The following AMBRA1 variants were observed in gnomAD, a reference collection of about 807,000 sequenced individuals.
AMBRA1 encodes activating molecule in BECN1-regulated autophagy protein 1.
In AMBRA1, 47 loss-of-function variants were observed where a neutral mutation model predicts 125.4. The ratio of observed to expected loss-of-function variants is 0.37; its 90% CI spans 0.30 to 0.48. The LOEUF is 0.48. Among genes scored for constraint, AMBRA1 ranks in the 20% least tolerant of loss-of-function variants. The probability of loss-of-function intolerance (pLI) is 0.99; values close to 1 mark genes in which losing one functional copy is unlikely to be tolerated. For missense variants in AMBRA1, 1,331 were observed against 1,693.4 expected (o/e 0.79, Z 3.76); for synonymous variants, 626 against 655.5 (o/e 0.95, Z 0.69).
At chr11:46,426,434 A>AG (rs1333887136) in intron 14 of AMBRA1, among the ~76,000 whole-genome samples, 1 of 152,218 alleles carries the variant, frequency 6.6e-6, no homozygotes, top group Non-Finnish European at 1.5e-5. Flanking sequence ...GACCAATGAC[A>AG]GGGGCTCAAT....
chr11:46,402,824 T>C (rs1945830019), intron 17 of AMBRA1, among the ~76,000 whole-genome samples: 1 of 152,212 alleles, frequency 6.6e-6, no homozygotes, highest in Non-Finnish European at 1.5e-5. Flanking sequence ...GATTTTAAAA[T>C]GTACAAACAA....
intron 1 of AMBRA1, among the ~76,000 whole-genome samples, chr11:46,563,241 CTT>C (rs200094704): frequency 6.6e-6 from 1 of 151,872 alleles, no homozygotes; most frequent in Non-Finnish European, 1.5e-5. Context: ...GACCTCATCT[CTT>C]TTTTTTGTTT....
At chr11:46,592,904 AT>A (rs2044657946) in intron 1 of AMBRA1, among the ~76,000 whole-genome samples, 1 of 152,244 alleles carries the variant, frequency 6.6e-6, no homozygotes, top group Non-Finnish European at 1.5e-5. Flanking sequence ...CACCATAGTT[AT>A]AAGATTTCCA....
intron 12 of AMBRA1, among the ~76,000 whole-genome samples, chr11:46,435,929 T>C (rs562030826): frequency 1.3e-4 from 20 of 152,346 alleles, no homozygotes; most frequent in African/African-American, 4.6e-4. Context: ...TGTGATTCCC[T>C]GCCAGGAAGA....
intron 8 of AMBRA1, among the ~76,000 whole-genome samples, chr11:46,509,781 G>A (rs992563021): frequency 4.6e-5 from 7 of 152,154 alleles, no homozygotes; most frequent in Non-Finnish European, 7.3e-5. Context: ...CAATCCTAAT[G>A]AGGATTCCTG....
At chr11:46,465,918 A>G (rs1949303875) in intron 11 of AMBRA1, among the ~76,000 whole-genome samples, 1 of 152,252 alleles carries the variant, frequency 6.6e-6, no homozygotes, top group Non-Finnish European at 1.5e-5. Context: ...AGCAGCAAAC[A>G]GATAAAGCCT....
intron 11 of AMBRA1, among the ~76,000 whole-genome samples, chr11:46,462,219 C>A (rs530184703): frequency 3.9e-5 from 6 of 152,174 alleles, no homozygotes; most frequent in Admixed American, 3.3e-4. Flanking sequence ...CAAGTGAGCA[C>A]GGCGGTGTAA....
At chr11:46,433,348 T>C (rs1016076222) in intron 14 of AMBRA1, 126 bp downstream of exon 14, 13 of 1,213,960 alleles carry the variant, frequency 1.1e-5, no homozygotes, top group Admixed American at 2.9e-5. Context: ...ACTACAGCCC[T>C]TCCTTACTCC....
Position 46,547,197 on chromosome 11 carries a change from T to C in AMBRA1, c.294A>G (p.Pro98=), listed in dbSNP as rs781173410. Residue 98 remains proline, a synonymous_variant, in exon 4 of 18, where the codon CCA becomes CCG. Coordinates refer to ENST00000683756, the MANE Select transcript of AMBRA1 (RefSeq NM_001387011.1). The part of the protein sequence containing the change: ...VHSLIGHRRT[P]WCVTFHPTIS... ...TGGTGGGATGAAAAGTGACACACCA[T>C]GGAGTACGGCGGTGTCCAATCAGGG... 2.5e-6 allele frequency: 4 copies of C among 1,614,034 alleles called. No homozygotes were observed. The Admixed American group carries it at 5.0e-5, about 20-fold the overall frequency.
Position 46,460,471 on chromosome 11 carries a change from G to A in AMBRA1, c.2522-16873C>T, listed in dbSNP as rs369675096. Among the ~76,000 whole-genome samples, 329 of 152,078 alleles carry A rather than the reference G, an allele frequency of 2.2e-3. 3 individuals carry two copies. The highest frequency in any genetic ancestry group is 2.5e-3 in the Non-Finnish European group (171 of 67,976). ...CAAGTAGCTGGGACTACAGGTGCCC[G>A]CCACCATGCCCGGCTAATTTTTTTT... On this transcript the variant is annotated intron_variant, in intron 11 of 17. Transcript: ENST00000683756.
intron 4 of AMBRA1, chr11:46,546,181 G>GC (rs1555003591): frequency 1.3e-5 from 2 of 155,118 alleles, no homozygotes; most frequent in Non-Finnish European, 2.8e-5. Context: ...GACCACAGGC[G>GC]CATGGCACCA....
chr11:46,572,877 A>G (rs555544108), intron 1 of AMBRA1, among the ~76,000 whole-genome samples: 3 of 151,660 alleles, frequency 2.0e-5, no homozygotes, highest in Non-Finnish European at 4.4e-5. Context: ...ATCACCTGAG[A>G]TCAGGAGTTC....
At chr11:46,424,821 G>C (rs1025563297) in intron 14 of AMBRA1, among the ~76,000 whole-genome samples, 2 of 151,920 alleles carry the variant, frequency 1.3e-5, no homozygotes, top group African/African-American at 4.8e-5. Flanking sequence ...CCGTGGGTGA[G>C]ATCCTGTGTC....
Position 46,400,473 on chromosome 11 carries a change from G to GTTTTTTTTTTTTT in AMBRA1, c.3404-2543_3404-2531dup, listed in dbSNP as rs553040136. Among the ~76,000 whole-genome samples, 56 of 48,888 alleles carry GTTTTTTTTTTTTT rather than the reference G, an allele frequency of 1.1e-3. 14 individuals carry two copies. The highest frequency in any genetic ancestry group is 1.9e-3 in the African/African-American group (29 of 15,486). 32.1% of individuals were successfully genotyped at this position (48,888 alleles called of 152,430 possible). A position where few individuals can be genotyped will look rare whatever the true frequency, so the allele number is the denominator to read the frequency against. The stretch of plus-strand genomic sequence containing the variant: ...CCTCATGCTTCTAGTTCTTTCTATA[G>GTTTTTTTTTTTTT]TTTTTTTTTTTTTTTTTTTTTTTTT... On this transcript the variant is annotated intron_variant, in intron 17 of 17. Transcript: ENST00000683756.
At chr11:46,495,290 T>A (rs1283942314) in intron 9 of AMBRA1, 1 of 152,246 alleles carries the variant, frequency 6.6e-6, no homozygotes, top group Non-Finnish European at 1.5e-5. Context: ...TATCTTCAAA[T>A]CAATGAGATA....
At chr11:46,484,056 T>A (rs1240719412) in intron 11 of AMBRA1, among the ~76,000 whole-genome samples, 2 of 152,196 alleles carry the variant, frequency 1.3e-5, no homozygotes, top group Non-Finnish European at 2.9e-5. Context: ...CAGTCTCTCA[T>A]GTTATAGGGC....
chr11:46,546,284 C>T (rs1013212669), intron 4 of AMBRA1, among the ~76,000 whole-genome samples: 1 of 152,162 alleles, frequency 6.6e-6, no homozygotes, highest in African/African-American at 2.4e-5. Context: ...AAGCAATCCT[C>T]CTGTCTTGGT....
chr11:46,551,311 C>CTTTT (rs57084695), intron 1 of AMBRA1, among the ~76,000 whole-genome samples: 31,846 of 151,528 alleles, frequency 0.21, 3,984 homozygotes, highest in African/African-American at 0.35. Flanking sequence ...TTTGTGGGGA[C>CTTTT]TTTATTTTTA....
chr11:46,515,581 A>C (rs1951441692), intron 7 of AMBRA1, among the ~76,000 whole-genome samples: 1 of 152,240 alleles, frequency 6.6e-6, no homozygotes, highest in Non-Finnish European at 1.5e-5. Flanking sequence ...CAATGACAGT[A>C]CTGAGTGAGA....
Sources: gnomAD v4.1 joint callset for allele counts (sites outside exome capture counted in the v4.1 genomes callset) on GRCh38, gnomAD v4.1.1 for gene constraint, MANE v1.5 for transcripts, NCBI Gene and HGNC (gene_info 2026-07-23, HGNC 2026-07-21) for gene names.